The following FSTL4 variants were observed in gnomAD, a reference collection of about 807,000 sequenced individuals.
The protein encoded by FSTL4 is follistatin like 4.
In FSTL4, 28 loss-of-function variants were observed where a neutral mutation model predicts 78.2. That is an observed-to-expected ratio of 0.36 (90% CI 0.27 to 0.49). The LOEUF is 0.49. FSTL4 is among the 20% of genes least tolerant of loss of function. The pLI is 0.98. For synonymous variants in FSTL4, 422 were observed against 440.5 expected (o/e 0.96, Z 0.53); for missense variants, 922 against 1,084.9 (o/e 0.85, Z 2.11).
In FSTL4 at chr5:133,216,416, G is replaced by A. The variant is rs776610472; in HGVS notation, c.1608+813C>T. Among the ~76,000 whole-genome samples, 80 of 141,468 alleles carry A rather than the reference G, an allele frequency of 5.7e-4. 1 individual carries two copies. Among genetic ancestry groups the A allele is most frequent in the Admixed American group, 3.4e-4 (5 of 14,746 alleles). 92.8% of individuals were successfully genotyped at this position (141,468 alleles called of 152,430 possible). ...AGTGATTCTCCTGCCTCGGCCTCCC[G>A]TCAAGTGATTCTCCTGCCTCGGCCT... On this transcript the variant is annotated intron_variant, in intron 13 of 15. Transcript: ENST00000265342.
chr5:133,251,179 C>T (rs137978134), intron 6 of FSTL4, among the ~76,000 whole-genome samples: 141 of 152,288 alleles, frequency 9.3e-4, no homozygotes, highest in African/African-American at 2.7e-3. Flanking sequence ...TAGCATGACC[C>T]GGCCTTTGGA....
intron 4 of FSTL4, among the ~76,000 whole-genome samples, chr5:133,393,778 A>G (rs250855): frequency 0.95 from 145,384 of 152,356 alleles, 69,437 homozygotes; most frequent in Admixed American, 0.98. Context: ...ACAAGGGTCT[A>G]GTTTCCTGAT....
chr5:133,581,747 C>T (rs1221910904), intron 2 of FSTL4, among the ~76,000 whole-genome samples: 1 of 152,244 alleles, frequency 6.6e-6, no homozygotes, highest in Non-Finnish European at 1.5e-5. Context: ...CCAATTAAAT[C>T]ACAATCTCTG....
intron 4 of FSTL4, among the ~76,000 whole-genome samples, chr5:133,376,509 TA>T (rs1416923825): frequency 6.6e-6 from 1 of 152,012 alleles, no homozygotes; most frequent in Non-Finnish European, 1.5e-5. Flanking sequence ...TTCAGAGAAA[TA>T]AATATAAATG....
chr5:133,691,510 G>T, the FSTL4 span, among the ~76,000 whole-genome samples: 1 of 152,090 alleles, frequency 6.6e-6, no homozygotes, highest in African/African-American at 2.4e-5. Flanking sequence ...TAACTTGAAG[G>T]CGTGGACCTC....
At chr5:133,572,453 A>G (rs1760178739) in intron 2 of FSTL4, among the ~76,000 whole-genome samples, 1 of 152,064 alleles carries the variant, frequency 6.6e-6, no homozygotes, top group Non-Finnish European at 1.5e-5. Context: ...AAGGTAAAAT[A>G]AATGAAGGTA....
intron 3 of FSTL4, among the ~76,000 whole-genome samples, chr5:133,482,027 G>C (rs1285868688): frequency 6.6e-6 from 1 of 152,222 alleles, no homozygotes; most frequent in Non-Finnish European, 1.5e-5. Flanking sequence ...ATCTGAAGAT[G>C]AACTGTGCTG....
At chr5:133,246,670 T>G (rs1752046718) in intron 7 of FSTL4, 1 of 152,156 alleles carries the variant, frequency 6.6e-6, no homozygotes, top group African/African-American at 2.4e-5. Context: ...GCGGGGGGCA[T>G]GCCAAGGTCC....
intron 3 of FSTL4, among the ~76,000 whole-genome samples, chr5:133,557,592 G>C (rs1759815924): frequency 6.6e-6 from 1 of 152,202 alleles, no homozygotes; most frequent in Admixed American, 6.5e-5. Context: ...TCCAATCCCA[G>C]TGAGCTTTAG....
At chr5:133,520,368 G>A (rs1012284038) in intron 3 of FSTL4, among the ~76,000 whole-genome samples, 9 of 151,898 alleles carry the variant, frequency 5.9e-5, no homozygotes, top group African/African-American at 1.7e-4. Flanking sequence ...AGCACACCAC[G>A]GAGGGCTGTG....
the FSTL4 span, among the ~76,000 whole-genome samples, chr5:133,672,189 GC>G: frequency 1.3e-5 from 2 of 152,030 alleles, no homozygotes; most frequent in African/African-American, 4.8e-5. Context: ...TAAAACTCAA[GC>G]GGAAGCAATG....
chr5:133,743,980 G>A, the FSTL4 span, among the ~76,000 whole-genome samples: 1 of 152,250 alleles, frequency 6.6e-6, no homozygotes, highest in African/African-American at 2.4e-5. Flanking sequence ...AGAGGAAGAA[G>A]CCCACGGCCC....
the FSTL4 span, among the ~76,000 whole-genome samples, chr5:133,827,275 A>T: frequency 2.6e-5 from 4 of 152,142 alleles, no homozygotes; most frequent in Non-Finnish European, 5.9e-5. Context: ...GCACAGACAC[A>T]CCTGGCTGCC....
At chr5:133,319,716 C>G (rs1753999680) in intron 4 of FSTL4, among the ~76,000 whole-genome samples, 1 of 152,202 alleles carries the variant, frequency 6.6e-6, no homozygotes, top group African/African-American at 2.4e-5. Context: ...CATTTCTTCC[C>G]TTTACTGAGG....
At chr5:133,716,342 C>T in the FSTL4 span, among the ~76,000 whole-genome samples, 6 of 151,910 alleles carry the variant, frequency 3.9e-5, no homozygotes, top group East Asian at 1.2e-3. Context: ...CACAGGCCAT[C>T]AGCAGAGATG....
At position 133,316,402 on chromosome 5, in the gene FSTL4, G is replaced by A. The variant is rs1753903170; in HGVS notation, c.603+57C>T. 11 of 1,386,438 alleles carry A rather than the reference G, an allele frequency of 7.9e-6. No individual in the cohort carries two copies. In the South Asian group the frequency reaches 1.4e-4, roughly 17 times the overall value. The allele number at this position is 1,386,438 out of a possible 1,614,324, so 85.9% of individuals were successfully genotyped here. ...CTCTTAGACACCAGGGGGCCGGGGT[G>A]GGAAATGGAAAACTGGATTCCTCCA... On this transcript the variant is annotated intron_variant, in intron 5 of 15. Transcript: ENST00000265342.
At chr5:133,266,351 A>G (rs17166469) in intron 6 of FSTL4, among the ~76,000 whole-genome samples, 8,915 of 152,348 alleles carry the variant, frequency 0.059, 457 homozygotes, top group African/African-American at 0.15. Context: ...GTCCTGAAAC[A>G]ACACTCTGGT....
chr5:133,461,119 C>T (rs1757583815), intron 3 of FSTL4, among the ~76,000 whole-genome samples: 1 of 152,228 alleles, frequency 6.6e-6, no homozygotes, highest in Non-Finnish European at 1.5e-5. Context: ...TAATGCTAAA[C>T]TGCTGGGAGC....
At chr5:133,357,704 A>G (rs1754970350) in intron 4 of FSTL4, among the ~76,000 whole-genome samples, 2 of 151,920 alleles carry the variant, frequency 1.3e-5, no homozygotes, top group African/African-American at 4.8e-5. Flanking sequence ...TTTCTTGCCT[A>G]CCTCATTTCT....
Sources: gnomAD v4.1 joint callset for allele counts (sites outside exome capture counted in the v4.1 genomes callset) on GRCh38, gnomAD v4.1.1 for gene constraint, MANE v1.5 for transcripts, NCBI Gene and HGNC (gene_info 2026-07-23, HGNC 2026-07-21) for gene names.